Variants in P4HA2 observed in about 807,000 individuals in gnomAD.
P4HA2 encodes prolyl 4-hydroxylase subunit alpha-2.
Under a neutral mutation model 76.9 loss-of-function variants are expected in P4HA2, and 46 were observed. The ratio of observed to expected loss-of-function variants is 0.60; its 90% CI spans 0.47 to 0.76. P4HA2 has a LOEUF of 0.76. Ranked by LOEUF, P4HA2 falls within the 30% of genes least tolerant of loss-of-function variation. The probability of loss-of-function intolerance (pLI) is 0.00; values close to 1 mark genes in which losing one functional copy is unlikely to be tolerated. For missense variants in P4HA2, 583 were observed against 669.4 expected (o/e 0.87, Z 1.42); for synonymous variants, 243 against 254.0 (o/e 0.96, Z 0.41).
chr5:132,212,307 G>A (rs1404627515), intron 5 of P4HA2, among the ~76,000 whole-genome samples: 1 of 152,176 alleles, frequency 6.6e-6, no homozygotes, highest in South Asian at 2.1e-4. Flanking sequence ...AGACCACATG[G>A]AGGATGGTCT....
At chr5:132,207,391 A>T (rs1447041417) in intron 8 of P4HA2, among the ~76,000 whole-genome samples, 1 of 152,200 alleles carries the variant, frequency 6.6e-6, no homozygotes, top group Non-Finnish European at 1.5e-5. Context: ...CCTATGGAAC[A>T]TTTCCAAAAA....
chr5:132,223,368 T>C (rs1754897876), intron 1 of P4HA2, among the ~76,000 whole-genome samples: 1 of 152,230 alleles, frequency 6.6e-6, no homozygotes, highest in East Asian at 1.9e-4. Flanking sequence ...GTTCAAGGGA[T>C]TCTCCTGCCT....
Position 132,192,751 on chromosome 5 carries a change from C to A in P4HA2, c.*259G>T. 2.4e-6 allele frequency: 1 copy of A among 419,454 alleles called. No individual in the cohort carries two copies. Among genetic ancestry groups the A allele is most frequent in the Non-Finnish European group, 4.3e-6 (1 of 234,296 alleles). 26.0% of individuals were successfully genotyped at this position (419,454 alleles called of 1,614,324 possible). On this transcript the variant is annotated 3_prime_UTR_variant, in exon 15 of 15. Transcript: ENST00000360568. ...ACCTAAAACACCTGAGGTACAAAGGCACCTTGCTAGGCGCTAGACAGCTAA... is the reference window on the plus strand; with the variant it reads ...ACCTAAAACACCTGAGGTACAAAGGAACCTTGCTAGGCGCTAGACAGCTAA...
chr5:132,217,606 C>A, intron 3 of P4HA2, 146 bp downstream of exon 3: 1 of 685,810 alleles, frequency 1.5e-6, no homozygotes, highest in African/African-American at 1.8e-5. Context: ...CTTAGCTCCT[C>A]TCAAGCACTG....
In P4HA2 at chr5:132,214,062, T is replaced by G. The variant is rs749745159; in HGVS notation, c.332-9A>C. Reference sequence around the variant, plus strand: ...GAGGTTGGCGATAAAACCTTCCAAATGAGAGTCAGAACAAGAGATTACCCT... The same window carrying G: ...GAGGTTGGCGATAAAACCTTCCAAAGGAGAGTCAGAACAAGAGATTACCCT... On this transcript the variant is annotated splice_polypyrimidine_tract_variant and intron_variant, in intron 4 of 14. Transcript: ENST00000360568. 1 of 1,613,594 alleles carries G rather than the reference T, an allele frequency of 6.2e-7. No homozygotes were observed. Among genetic ancestry groups the G allele is most frequent in the South Asian group, 1.1e-5 (1 of 90,980 alleles).
At chr5:132,217,014 C>T (rs1753995120) in intron 4 of P4HA2, among the ~76,000 whole-genome samples, 183 bp downstream of exon 4, 1 of 152,116 alleles carries the variant, frequency 6.6e-6, no homozygotes, top group African/African-American at 2.4e-5. Context: ...ATGTTAAAAA[C>T]CAAGGCCAGC....
intron 6 of P4HA2, 57 bp downstream of exon 6, chr5:132,210,227 G>A (rs1752881336): frequency 1.1e-5 from 18 of 1,593,136 alleles, no homozygotes; most frequent in South Asian, 3.3e-5. Context: ...TGCCAGCACA[G>A]TGCAGTTCCT....
intron 1 of P4HA2, among the ~76,000 whole-genome samples, chr5:132,220,827 G>C (rs1173754431): frequency 6.6e-6 from 1 of 152,172 alleles, no homozygotes; most frequent in Non-Finnish European, 1.5e-5. Flanking sequence ...AGAATCACAG[G>C]TAATTACAGA....
At chr5:132,220,677 T>C in intron 1 of P4HA2, among the ~76,000 whole-genome samples, 1 of 152,246 alleles carries the variant, frequency 6.6e-6, no homozygotes, top group Non-Finnish European at 1.5e-5. Context: ...ATACCAGCTG[T>C]GATTTCTCTG....
rs577912654 is a variant in P4HA2 at position 132,219,458 on chromosome 5, T to C, written c.-18-814A>G. On this transcript the variant is annotated intron_variant, in intron 1 of 14. Coordinates refer to ENST00000360568, the MANE Select transcript of P4HA2 (RefSeq NM_001017974.2). ...CTGACATGGGAAAGGGGCCAGCTAC[T>C]GTCTTCTCATCAGCCCAGAAATAGG... is the stretch of plus-strand genomic sequence containing the variant. Among the ~76,000 whole-genome samples the C allele has an allele frequency of 3.3e-5, 5 of 152,322 alleles. No homozygotes were observed. The East Asian group carries it at 9.6e-4, about 29-fold the overall frequency.
intron 1 of P4HA2, chr5:132,227,347 C>T (rs1239803072): frequency 1.3e-5 from 2 of 152,252 alleles, no homozygotes; most frequent in Non-Finnish European, 1.5e-5. Flanking sequence ...ACTCCCAGCC[C>T]TTGGGAGGGT....
intron 12 of P4HA2, 115 bp downstream of exon 12, chr5:132,198,206 G>A (rs759732903): frequency 1.8e-5 from 29 of 1,613,986 alleles, no homozygotes; most frequent in Admixed American, 5.0e-5. Flanking sequence ...TCATACTCAC[G>A]TAGTTTAAGA....
intron 1 of P4HA2, among the ~76,000 whole-genome samples, chr5:132,220,068 T>G (rs1238796412): frequency 6.6e-6 from 1 of 152,058 alleles, no homozygotes; most frequent in African/African-American, 2.4e-5. Context: ...TGCTGCAGGG[T>G]AGGGCGTATT....
In P4HA2 at chr5:132,191,954, A is replaced by G. The variant is rs1213569585; in HGVS notation, c.*1056T>C. On this transcript the variant is annotated 3_prime_UTR_variant, in exon 15 of 15. Transcript: ENST00000360568. ...GATTAAAACAAATTACAGCTACACA[A>G]GCAACACGGATGAATCTTAAAACAA... The G allele has an allele frequency of 1.3e-5, 2 of 152,266 alleles. No homozygotes were observed. The highest frequency in any genetic ancestry group is 2.9e-5 in the Non-Finnish European group (2 of 68,048). The allele number at this position is 152,266 out of a possible 1,614,324, so 9.4% of individuals were successfully genotyped here.
At chr5:132,214,156 T>C (rs1580722334) in intron 4 of P4HA2, 103 bp from the exon 5 acceptor site, 3 of 1,166,918 alleles carry the variant, frequency 2.6e-6, no homozygotes, top group Non-Finnish European at 3.6e-6. Flanking sequence ...GCTAGTGAAA[T>C]TTCCCCGCCC....
rs1206002378 is a variant in P4HA2, at chr5:132,192,976, G to A, written c.*34C>T. On this transcript the variant is annotated 3_prime_UTR_variant, in exon 15 of 15. Coordinates refer to ENST00000360568, the MANE Select transcript of P4HA2 (RefSeq NM_001017974.2). The stretch of plus-strand genomic sequence containing the variant: ...GGTGTCTGTCACGTTGACATGGGCT[G>A]AAGGACCAGGAAGGGGAAGGACAGA... 3.6e-6 allele frequency: 5 copies of A among 1,406,766 alleles called. No individual in the cohort carries two copies. Among genetic ancestry groups the A allele is most frequent in the African/African-American group, 2.8e-5 (2 of 70,838 alleles). 87.1% of individuals were successfully genotyped at this position (1,406,766 alleles called of 1,614,324 possible).
chr5:132,203,139 T>G (rs923692774), intron 10 of P4HA2, among the ~76,000 whole-genome samples: 3 of 152,196 alleles, frequency 2.0e-5, no homozygotes, highest in African/African-American at 7.2e-5. Context: ...AATACTTAGG[T>G]AAAACAATTC....
At chr5:132,201,745 C>T (rs1751510306) in intron 10 of P4HA2, 1 of 152,160 alleles carries the variant, frequency 6.6e-6, no homozygotes, top group Admixed American at 6.6e-5. Context: ...AGAGGCCAGA[C>T]AAGATAAAGG....
rs753093909 is a variant in P4HA2 at position 132,209,162 on chromosome 5, G to C, written c.879C>G (p.Leu293=). 5 of 1,613,806 alleles carry C rather than the reference G, an allele frequency of 3.1e-6. No individual in the cohort carries two copies. The East Asian group carries it at 1.1e-4, about 36-fold the overall frequency. ...CCAGTTTGACACCCTCCCCACGACA[G>C]AGGCTCTCGTAAACATCCCTCTCAG... ...YLPERDVYES[L]CRGEGVKLTP... is the part of the protein sequence containing the mutation. Residue 293 remains leucine, a synonymous_variant, in exon 7 of 15, where the codon CTC becomes CTG. Transcript: ENST00000360568.
Sources: gnomAD v4.1 joint callset for allele counts (sites outside exome capture counted in the v4.1 genomes callset) on GRCh38, gnomAD v4.1.1 for gene constraint, MANE v1.5 for transcripts, NCBI Gene and HGNC (gene_info 2026-07-23, HGNC 2026-07-21) for gene names.